Variants in CTNND2 observed in about 807,000 individuals in gnomAD.
CTNND2 encodes the protein catenin delta-2.
CTNND2 carries 22 observed loss-of-function variants against 144.4 expected under a neutral mutation model. That is an observed-to-expected ratio of 0.15 (90% CI 0.11 to 0.22). CTNND2 has a LOEUF of 0.22. CTNND2 is among the 10% of genes least tolerant of loss of function. The pLI is 1.00. For missense variants in CTNND2, 1,353 were observed against 1,618.8 expected, an observed-to-expected ratio of 0.84 and a Z score of 2.82; for synonymous variants, 751 against 695.6, an observed-to-expected ratio of 1.08 and a Z score of -1.25.
intron 2 of CTNND2, among the ~76,000 whole-genome samples, chr5:11,576,622 T>C (rs754138605): frequency 1.4e-4 from 22 of 152,060 alleles, no homozygotes; most frequent in Non-Finnish European, 2.6e-4. Flanking sequence ...TCTGTCCAAA[T>C]TGTGAAATCT....
intron 16 of CTNND2, among the ~76,000 whole-genome samples, chr5:11,059,526 G>C (rs1746711575): frequency 6.6e-6 from 1 of 152,146 alleles, no homozygotes; most frequent in Non-Finnish European, 1.5e-5. Context: ...CCCAGTCTCA[G>C]GTATGTCTTT....
intron 3 of CTNND2, among the ~76,000 whole-genome samples, chr5:11,452,184 T>C (rs558597733): frequency 6.6e-6 from 1 of 152,262 alleles, no homozygotes; most frequent in Non-Finnish European, 1.5e-5. Flanking sequence ...GTCAGGCTAC[T>C]GAACATCAAT....
intron 11 of CTNND2, among the ~76,000 whole-genome samples, chr5:11,162,594 A>C (rs1027988316): frequency 1.3e-5 from 2 of 152,166 alleles, no homozygotes; most frequent in African/African-American, 2.4e-5. Flanking sequence ...ACTGCAATGC[A>C]CAATGCTTCC....
At chr5:11,179,619 GAT>G (rs571109328) in intron 11 of CTNND2, among the ~76,000 whole-genome samples, 131 of 152,050 alleles carry the variant, frequency 8.6e-4, no homozygotes, top group Non-Finnish European at 1.7e-3. Context: ...TGTTATAAGA[GAT>G]ATGGTTTTAA....
At chr5:11,489,334 T>G (rs953913278) in intron 3 of CTNND2, among the ~76,000 whole-genome samples, 2 of 152,192 alleles carry the variant, frequency 1.3e-5, no homozygotes, top group Non-Finnish European at 2.9e-5. Context: ...GGCATCCTTA[T>G]ACCCTCTGAG....
intron 11 of CTNND2, among the ~76,000 whole-genome samples, chr5:11,192,690 G>A (rs759196674): frequency 2.0e-5 from 3 of 152,202 alleles, no homozygotes; most frequent in Non-Finnish European, 4.4e-5. Context: ...TGGAAAAGGC[G>A]AGGAAATGGA....
At chr5:11,603,654 G>A (rs1206787914) in intron 2 of CTNND2, among the ~76,000 whole-genome samples, 3 of 152,128 alleles carry the variant, frequency 2.0e-5, no homozygotes, top group East Asian at 3.9e-4. Flanking sequence ...AAAATAAAAG[G>A]CAAGGCTATA....
intron 10 of CTNND2, among the ~76,000 whole-genome samples, chr5:11,225,770 G>T (rs1357884756): frequency 6.6e-6 from 1 of 152,154 alleles, no homozygotes; most frequent in Non-Finnish European, 1.5e-5. Flanking sequence ...GTTATAGGTT[G>T]AATATCGTCC....
At chr5:11,586,334 G>A (rs1778861099) in intron 2 of CTNND2, among the ~76,000 whole-genome samples, 2 of 152,120 alleles carry the variant, frequency 1.3e-5, no homozygotes, top group Non-Finnish European at 1.5e-5. Flanking sequence ...AGACTTTTTA[G>A]TTCTTGATCC....
chr5:11,431,574 C>G (rs1053888785), intron 3 of CTNND2, among the ~76,000 whole-genome samples: 41 of 152,254 alleles, frequency 2.7e-4, no homozygotes, highest in African/African-American at 9.6e-4. Context: ...CAGCCAGCCT[C>G]CATATAAGGA....
At chr5:11,030,823 T>C (rs79393133) in intron 16 of CTNND2, among the ~76,000 whole-genome samples, 3 of 151,642 alleles carry the variant, frequency 2.0e-5, no homozygotes, top group African/African-American at 7.3e-5. Flanking sequence ...CCCTGTTTCA[T>C]TGTATGCCTT....
intron 2 of CTNND2, among the ~76,000 whole-genome samples, chr5:11,624,131 G>C (rs947086436): frequency 6.6e-6 from 1 of 151,878 alleles, no homozygotes; most frequent in African/African-American, 2.4e-5. Context: ...AAAGTTAAGG[G>C]CATGTAAACT....
chr5:11,651,022 A>C (rs531670476), intron 2 of CTNND2, among the ~76,000 whole-genome samples: 4 of 152,334 alleles, frequency 2.6e-5, no homozygotes, highest in African/African-American at 9.6e-5. Context: ...AGAGAAGCCA[A>C]ATGTTAATAG....
intron 11 of CTNND2, among the ~76,000 whole-genome samples, chr5:11,183,393 G>A (rs929681302): frequency 4.6e-5 from 7 of 152,164 alleles, no homozygotes; most frequent in Admixed American, 2.0e-4. Flanking sequence ...CTTAATAAAG[G>A]ATGCACGTGA....
intron 9 of CTNND2, among the ~76,000 whole-genome samples, chr5:11,336,337 C>T (rs774914366): frequency 9.9e-5 from 15 of 152,120 alleles, no homozygotes; most frequent in Admixed American, 6.5e-5. Flanking sequence ...AACATGAGTT[C>T]GAAAGGTTGA....
chr5:11,017,454 G>A (rs542351237), intron 18 of CTNND2, among the ~76,000 whole-genome samples: 3 of 151,950 alleles, frequency 2.0e-5, no homozygotes, highest in South Asian at 4.2e-4. Context: ...GCTTAGTGAC[G>A]TGGGCCAGAC....
intron 3 of CTNND2, among the ~76,000 whole-genome samples, chr5:11,464,792 G>A (rs1316276292): frequency 6.6e-6 from 1 of 151,956 alleles, no homozygotes; most frequent in African/African-American, 2.4e-5. Flanking sequence ...TAGAATATGG[G>A]GTTTAAGAGA....
At chr5:11,094,801 G>C (rs567127430) in intron 15 of CTNND2, among the ~76,000 whole-genome samples, 5 of 152,248 alleles carry the variant, frequency 3.3e-5, no homozygotes, top group Admixed American at 1.3e-4. Flanking sequence ...TTCCGATAAG[G>C]ACAGGGAAAT....
intron 16 of CTNND2, among the ~76,000 whole-genome samples, chr5:11,027,600 C>T (rs755485794): frequency 2.6e-5 from 4 of 152,090 alleles, no homozygotes; most frequent in Non-Finnish European, 5.9e-5. Context: ...CTACCCTTTC[C>T]ACTGTGTGTA....
Sources: allele counts gnomAD v4.1 joint callset (sites outside exome capture counted in the v4.1 genomes callset), GRCh38; gene constraint gnomAD v4.1.1; transcripts MANE v1.5; gene names NCBI Gene and HGNC (gene_info 2026-07-23, HGNC 2026-07-21).